MTA3: variants seen among roughly 807,000 people sequenced by gnomAD.
MTA3 encodes the protein metastasis associated 1 family member 3.
Under a neutral mutation model 83.5 loss-of-function variants are expected in MTA3, and 34 were observed. The observed-to-expected ratio is 0.41, with a 90% CI of 0.31 to 0.54. MTA3 has a LOEUF of 0.54. Ranked by LOEUF, MTA3 falls within the 20% of genes least tolerant of loss-of-function variation. The pLI is 0.33. For synonymous variants in MTA3, 303 were observed against 252.7 expected, an observed-to-expected ratio of 1.20 and a Z score of -1.89; for missense variants, 761 against 726.4, an observed-to-expected ratio of 1.05 and a Z score of -0.55.
At chr2:42,522,995 A>C (rs1675493796) in intron 2 of MTA3, among the ~76,000 whole-genome samples, 1 of 151,548 alleles carries the variant, frequency 6.6e-6, no homozygotes. Context: ...TTCTTTGTAG[A>C]AACAGGGTCT....
intron 9 of MTA3, among the ~76,000 whole-genome samples, chr2:42,691,201 G>A (rs191712957): frequency 1.3e-5 from 2 of 152,004 alleles, no homozygotes; most frequent in East Asian, 3.9e-4. Flanking sequence ...TAATAGAGAC[G>A]GGGTTTCACC....
intron 4 of MTA3, among the ~76,000 whole-genome samples, chr2:42,629,482 A>C (rs1396213968): frequency 6.6e-6 from 1 of 152,116 alleles, no homozygotes; most frequent in African/African-American, 2.4e-5. Context: ...GTGATAGGTT[A>C]GCTGCCCACT....
chr2:42,636,781 C>G (rs1165187396), intron 4 of MTA3, among the ~76,000 whole-genome samples: 1 of 151,726 alleles, frequency 6.6e-6, no homozygotes, highest in Non-Finnish European at 1.5e-5. Flanking sequence ...CGTGTGCTAC[C>G]ACTCCCAGCT....
chr2:42,496,387 G>C (rs1262964809), intron 2 of MTA3, among the ~76,000 whole-genome samples: 1 of 152,116 alleles, frequency 6.6e-6, no homozygotes, highest in Non-Finnish European at 1.5e-5. Flanking sequence ...AGAAATGATA[G>C]GCTTGTCTCA....
chr2:42,581,110 T>C (rs528680289), intron 3 of MTA3, among the ~76,000 whole-genome samples: 2 of 152,308 alleles, frequency 1.3e-5, no homozygotes, highest in East Asian at 3.9e-4. Context: ...TTTTTCTGTT[T>C]CTGTATAGAA....
chr2:42,674,724 G>A (rs1010857775), intron 8 of MTA3, among the ~76,000 whole-genome samples: 2 of 150,102 alleles, frequency 1.3e-5, no homozygotes, highest in Admixed American at 6.7e-5. Flanking sequence ...TCAGCCTCCC[G>A]AGTAGCTGGG....
intron 9 of MTA3, among the ~76,000 whole-genome samples, chr2:42,689,510 C>A (rs1692685350): frequency 6.6e-6 from 1 of 152,202 alleles, no homozygotes; most frequent in South Asian, 2.1e-4. Flanking sequence ...CTAGTGAAGT[C>A]ATCTCTTTTT....
rs1158203071 is a variant in MTA3, at chr2:42,708,940, A to T, written c.1369A>T (p.Ser457Cys). 1 of 1,614,002 alleles carries T rather than the reference A, an allele frequency of 6.2e-7. No individual in the cohort carries two copies. The highest frequency in any genetic ancestry group is 1.1e-5 in the South Asian group (1 of 91,076). ...GGGAATGCCAGTCCGAAACACTGGG[A>T]GTCCAAAGTCTGCAGTGAAGACCCG... Reference protein sequence around the residue: ...MQGMPVRNTGSPKSAVKTRQA... With the variant: ...MQGMPVRNTGCPKSAVKTRQA... The change falls in exon 14 of 17, where the codon AGT becomes TGT. Residue 457 changes from serine to cysteine, a missense_variant. Ser to Cys is a moderately radical substitution (Grantham distance 112, BLOSUM62 -1). Coordinates refer to ENST00000405094, the MANE Select transcript of MTA3 (RefSeq NM_001330442.2).
intron 16 of MTA3, among the ~76,000 whole-genome samples, chr2:42,731,388 A>T (rs1668218535): frequency 6.6e-6 from 1 of 152,186 alleles, no homozygotes. Context: ...GAAGAAAAAG[A>T]GGTTTAATTG....
In MTA3 at chr2:42,709,223, T is replaced by G. The variant is rs141351185; in HGVS notation, c.1525+127T>G. The stretch of plus-strand genomic sequence containing the variant: ...TAAGTTCTTGTGTACAGCCTTTTAT[T>G]TGGTTTATTTTTTAACATTGTTTTT... On this transcript the variant is annotated intron_variant, in intron 14 of 16. Transcript: ENST00000405094. The G allele has an allele frequency of 4.2e-5, 61 of 1,447,806 alleles. 1 individual carries two copies. In the East Asian group the frequency reaches 1.4e-3, roughly 33 times the overall value. The allele number at this position is 1,447,806 out of a possible 1,614,324, so 89.7% of individuals were successfully genotyped here. A position where few individuals can be genotyped will look rare whatever the true frequency, so the allele number is the denominator to read the frequency against.
chr2:42,700,158 C>G (rs1361390177), intron 11 of MTA3, among the ~76,000 whole-genome samples: 1 of 151,722 alleles, frequency 6.6e-6, no homozygotes, highest in Non-Finnish European at 1.5e-5. Context: ...CAAGGAGGTA[C>G]AAGCAGATGA....
At chr2:42,511,439 G>C (rs115898064) in intron 2 of MTA3, 2 of 151,984 alleles carry the variant, frequency 1.3e-5, no homozygotes, top group South Asian at 4.2e-4. Flanking sequence ...TATTTTTGCC[G>C]GGCACAGTGG....
At chr2:42,525,579 CCCTT>C (rs1355209904) in intron 2 of MTA3, among the ~76,000 whole-genome samples, 6 of 125,750 alleles carry the variant, frequency 4.8e-5, no homozygotes, top group Non-Finnish European at 8.5e-5. Context: ...TCCTTCCTTC[CCCTT>C]CCTTCCTTTC....
At chr2:42,710,548 TCAAAAAAAA>T (rs1666513217) in intron 14 of MTA3, among the ~76,000 whole-genome samples, 1 of 46,086 alleles carries the variant, frequency 2.2e-5, no homozygotes, top group African/African-American at 8.8e-5. Flanking sequence ...AAACTTCATC[TCAAAAAAAA>T]AAAAAAAAAA....
At chr2:42,656,831 A>G (rs2104361482) in intron 7 of MTA3, among the ~76,000 whole-genome samples, 1 of 152,368 alleles carries the variant, frequency 6.6e-6, no homozygotes, top group Middle Eastern at 3.4e-3. Flanking sequence ...TGATAACAGT[A>G]AAAGTACATC....
intron 16 of MTA3, among the ~76,000 whole-genome samples, chr2:42,736,941 G>A (rs1038607474): frequency 1.3e-5 from 2 of 152,212 alleles, no homozygotes; most frequent in Non-Finnish European, 2.9e-5. Context: ...GGCCTGGAAT[G>A]GGGGCCTCAC....
intron 8 of MTA3, among the ~76,000 whole-genome samples, chr2:42,664,833 C>G (rs958525691): frequency 3.9e-5 from 6 of 152,104 alleles, no homozygotes; most frequent in Non-Finnish European, 7.4e-5. Context: ...TGTCAGCATT[C>G]CTAATCTGAC....
chr2:42,584,667 A>T (rs1573064601), intron 3 of MTA3, among the ~76,000 whole-genome samples: 7 of 152,086 alleles, frequency 4.6e-5, no homozygotes, highest in Admixed American at 4.6e-4. Flanking sequence ...ATTAGATACC[A>T]GCCTGGACAG....
At chr2:42,496,453 G>A (rs1052539711) in intron 2 of MTA3, among the ~76,000 whole-genome samples, 1 of 152,070 alleles carries the variant, frequency 6.6e-6, no homozygotes, top group Admixed American at 6.6e-5. Flanking sequence ...TGTACTTTGA[G>A]AAGATAATGT....
Sources: allele counts gnomAD v4.1 joint callset (sites outside exome capture counted in the v4.1 genomes callset), GRCh38; gene constraint gnomAD v4.1.1; transcripts MANE v1.5; gene names NCBI Gene and HGNC (gene_info 2026-07-23, HGNC 2026-07-21).